The following NKAIN3 variants were observed in gnomAD, a reference collection of about 807,000 sequenced individuals.
The protein encoded by NKAIN3 is sodium/potassium-transporting ATPase subunit beta-1-interacting protein 3.
A neutral mutation model predicts 30.2 loss-of-function variants in NKAIN3; 25 were observed. The observed-to-expected ratio is 0.83, with a 90% confidence interval of 0.60 to 1.16. NKAIN3 has a LOEUF of 1.16. Among genes scored for constraint, NKAIN3 ranks in the 50% most tolerant of loss-of-function variants. NKAIN3 has a pLI of 0.00. For synonymous variants in NKAIN3, 91 were observed against 89.6 expected (o/e 1.02, Z -0.09); for missense variants, 225 against 254.1 (o/e 0.89, Z 0.78).
At chr8:62,826,264 C>A (rs1455244040) in intron 4 of NKAIN3, among the ~76,000 whole-genome samples, 2 of 151,872 alleles carry the variant, frequency 1.3e-5, no homozygotes, top group Non-Finnish European at 2.9e-5. Context: ...ATAAGAGTAA[C>A]AAGTGGTGTG....
rs183360191 is a variant in NKAIN3, at chr8:62,967,135, A to T, written c.*1728A>T. ...AAAGAAAAGCTGGCAGGGACCTTGAAGATGGTGGAATCCAAGCCACTATTC... is the reference window on the plus strand; with the variant it reads ...AAAGAAAAGCTGGCAGGGACCTTGATGATGGTGGAATCCAAGCCACTATTC... On this transcript the variant is annotated 3_prime_UTR_variant, in exon 7 of 7. Transcript: ENST00000623646. 2.0e-5 allele frequency among the ~76,000 whole-genome samples: 3 copies of T among 152,338 alleles called. No individual in the cohort carries two copies. The highest frequency in any genetic ancestry group is 2.0e-4 in the Admixed American group (3 of 15,296).
chr8:62,628,559 T>C (rs1811858070), intron 3 of NKAIN3, among the ~76,000 whole-genome samples: 1 of 152,162 alleles, frequency 6.6e-6, no homozygotes. Flanking sequence ...GCTAAATCAT[T>C]GTTAAGTAAT....
At chr8:62,318,967 C>A (rs1353286910) in intron 1 of NKAIN3, among the ~76,000 whole-genome samples, 1 of 151,964 alleles carries the variant, frequency 6.6e-6, no homozygotes, top group Admixed American at 6.6e-5. Flanking sequence ...TGGTCCTGGA[C>A]TTTTTTTGGT....
intron 1 of NKAIN3, among the ~76,000 whole-genome samples, chr8:62,539,313 TG>T (rs1411860660): frequency 6.6e-6 from 1 of 152,180 alleles, no homozygotes; most frequent in Non-Finnish European, 1.5e-5. Context: ...AATTGCAAAA[TG>T]CAAACATCCA....
intron 3 of NKAIN3, among the ~76,000 whole-genome samples, chr8:62,659,229 C>T (rs1237279786): frequency 2.6e-5 from 4 of 152,202 alleles, no homozygotes; most frequent in African/African-American, 9.6e-5. Context: ...GTCATTTACT[C>T]GAGTTTGTCT....
intron 1 of NKAIN3, among the ~76,000 whole-genome samples, chr8:62,386,943 A>G (rs75497366): frequency 4.2e-4 from 51 of 122,346 alleles, no homozygotes; most frequent in South Asian, 1.0e-3. Context: ...GAGAGAGAGA[A>G]AGAGAGAGAG....
In NKAIN3 at chr8:62,747,042, C is replaced by T. The variant is rs141311198; in HGVS notation, c.384C>T (p.Asp128=). ...CTCCCTCAGCCCATGGCATGATGGA[C>T]GATTACACGTACGTCTCTGTCACAG... ...VLPPSAHGMM[D]DYTYVSVTGC... The change falls in exon 4 of 7, where the codon GAC becomes GAT. Residue 128 remains aspartate, a synonymous_variant. Transcript: ENST00000623646. 1.4e-5 allele frequency: 22 copies of T among 1,613,222 alleles called. No individual in the cohort carries two copies. In the Middle Eastern group the frequency reaches 8.3e-4, roughly 61 times the overall value.
At chr8:62,383,600 G>A in intron 1 of NKAIN3, 1 of 440,850 alleles carries the variant, frequency 2.3e-6, no homozygotes, top group Admixed American at 2.5e-5. Context: ...CTGTTATCTT[G>A]ACAGTTTTTT....
At chr8:62,555,851 A>G (rs1442072000) in intron 1 of NKAIN3, among the ~76,000 whole-genome samples, 1 of 152,082 alleles carries the variant, frequency 6.6e-6, no homozygotes, top group Non-Finnish European at 1.5e-5. Context: ...GAAAACGGAC[A>G]AATTTTCTCC....
At chr8:62,405,752 C>CT (rs1027781076) in intron 1 of NKAIN3, among the ~76,000 whole-genome samples, 1 of 152,058 alleles carries the variant, frequency 6.6e-6, no homozygotes, top group East Asian at 1.9e-4. Flanking sequence ...TATGAAGGTG[C>CT]TTTTTTATGT....
intron 3 of NKAIN3, among the ~76,000 whole-genome samples, chr8:62,684,547 G>A (rs944319343): frequency 6.6e-6 from 1 of 152,096 alleles, no homozygotes; most frequent in Non-Finnish European, 1.5e-5. Flanking sequence ...ACCGGATGGG[G>A]CATAGCTGGC....
At chr8:62,379,745 C>A (rs1817209684) in intron 1 of NKAIN3, among the ~76,000 whole-genome samples, 1 of 152,084 alleles carries the variant, frequency 6.6e-6, no homozygotes, top group African/African-American at 2.4e-5. Context: ...TGTAAATTAC[C>A]CAGTCTCTGG....
At chr8:62,650,975 A>C (rs1486362376) in intron 3 of NKAIN3, among the ~76,000 whole-genome samples, 1 of 152,142 alleles carries the variant, frequency 6.6e-6, no homozygotes, top group African/African-American at 2.4e-5. Context: ...CTTTTTAACA[A>C]GAATTCTTTT....
intron 4 of NKAIN3, among the ~76,000 whole-genome samples, chr8:62,786,218 G>C (rs2130662159): frequency 6.6e-6 from 1 of 152,190 alleles, no homozygotes; most frequent in South Asian, 2.1e-4. Context: ...ACTTACACTA[G>C]ACATGTGGAA....
At chr8:62,570,037 G>A (rs1809883299) in intron 1 of NKAIN3, among the ~76,000 whole-genome samples, 1 of 152,148 alleles carries the variant, frequency 6.6e-6, no homozygotes, top group South Asian at 2.1e-4. Context: ...CTGCCAATAT[G>A]TGTGACCCTG....
At chr8:62,259,397 CTTCT>C (rs1048207266) in intron 1 of NKAIN3, among the ~76,000 whole-genome samples, 1 of 152,040 alleles carries the variant, frequency 6.6e-6, no homozygotes, top group African/African-American at 2.4e-5. Context: ...TTTGGTATAG[CTTCT>C]TTCTTAGGTG....
intron 1 of NKAIN3, among the ~76,000 whole-genome samples, chr8:62,274,127 G>C (rs548602992): frequency 6.6e-6 from 1 of 152,098 alleles, no homozygotes; most frequent in African/African-American, 2.4e-5. Flanking sequence ...TTAGTCCAAT[G>C]AGCTCTTTAT....
chr8:62,854,143 T>G (rs1246726770), intron 4 of NKAIN3, among the ~76,000 whole-genome samples: 1 of 152,216 alleles, frequency 6.6e-6, no homozygotes, highest in African/African-American at 2.4e-5. Context: ...TTAGAGTAAG[T>G]TCCATGTGGT....
At chr8:62,538,773 T>C (rs1808747572) in intron 1 of NKAIN3, among the ~76,000 whole-genome samples, 1 of 152,230 alleles carries the variant, frequency 6.6e-6, no homozygotes, top group African/African-American at 2.4e-5. Flanking sequence ...ATAGCACTTT[T>C]TCCACAACGA....
Sources: gnomAD v4.1 joint callset for allele counts (sites outside exome capture counted in the v4.1 genomes callset) on GRCh38, gnomAD v4.1.1 for gene constraint, MANE v1.5 for transcripts, NCBI Gene and HGNC (gene_info 2026-07-23, HGNC 2026-07-21) for gene names.